RANBP2: variants seen among roughly 807,000 people sequenced by gnomAD.
The protein encoded by RANBP2 is RAN binding protein 2, also known as E3 SUMO-protein ligase RanBP2.
In RANBP2, 57 loss-of-function variants were observed where a neutral mutation model predicts 303.6. The ratio of observed to expected loss-of-function variants is 0.19; its 90% CI spans 0.15 to 0.23. The LOEUF is 0.23. Ranked by LOEUF, RANBP2 falls within the 10% of genes least tolerant of loss-of-function variation. The pLI is 1.00. For missense variants in RANBP2, 3,138 were observed against 3,780.8 expected, an observed-to-expected ratio of 0.83 and a Z score of 4.46; for synonymous variants, 1,167 against 1,301.5, an observed-to-expected ratio of 0.90 and a Z score of 2.23.
At chr2:109,199,602 T>TCAACCC in the RANBP2 span, among the ~76,000 whole-genome samples, 2 of 340 alleles carry the variant, frequency 5.9e-3, no homozygotes, top group African/African-American at 0.016. Context: ...TGGAATGGAA[T>TCAACCC]GGAATGGAAT....
intron 25 of RANBP2, among the ~76,000 whole-genome samples, chr2:108,778,347 T>G (rs1678023938): frequency 6.6e-6 from 1 of 152,228 alleles, no homozygotes; most frequent in African/African-American, 2.4e-5. Flanking sequence ...TTTAGTTAAT[T>G]TAGATTGTGC....
At chr2:109,120,928 T>C in the RANBP2 span, among the ~76,000 whole-genome samples, 2 of 152,150 alleles carry the variant, frequency 1.3e-5, no homozygotes, top group Admixed American at 1.3e-4. Context: ...TGGCAACTCA[T>C]GCAGTGCAGC....
At chr2:108,730,677 G>A (rs1171595525) in intron 2 of RANBP2, 97 bp from the exon 3 acceptor site, 9 of 1,447,474 alleles carry the variant, frequency 6.2e-6, no homozygotes, top group Non-Finnish European at 8.7e-6. Context: ...ATATAAACGA[G>A]TTTAGTGGTT....
chr2:109,615,269 C>T, the RANBP2 span: 1 of 1,575,504 alleles, frequency 6.3e-7, no homozygotes, highest in Non-Finnish European at 8.6e-7. Context: ...GCGGCGGAGG[C>T]TCCGTGACGC....
chr2:109,443,261 A>G, the RANBP2 span, among the ~76,000 whole-genome samples: 1 of 152,354 alleles, frequency 6.6e-6, no homozygotes, highest in East Asian at 1.9e-4. Context: ...AGGCTGCCCT[A>G]TTAACAGGTG....
the RANBP2 span, among the ~76,000 whole-genome samples, chr2:109,478,629 G>T: frequency 6.6e-6 from 1 of 152,126 alleles, no homozygotes; most frequent in South Asian, 2.1e-4. Context: ...TAAGAAGTTT[G>T]TTGGAATGCG....
At chr2:109,095,126 G>C in the RANBP2 span, among the ~76,000 whole-genome samples, 1 of 152,174 alleles carries the variant, frequency 6.6e-6, no homozygotes, top group African/African-American at 2.4e-5. Flanking sequence ...TGGAGCATTA[G>C]ACTCTAGATA....
rs540148769 is a variant in RANBP2, at chr2:108,755,315, C to T, written c.2466+56C>T. On this transcript the variant is annotated intron_variant, in intron 17 of 28. Transcript: ENST00000283195. Reference sequence around the variant, plus strand: ...TTTATTCCAAGATTCCTTCCCTGGCCACTCTCTCACTTTTTTTCTGAAGCT... The same window carrying T: ...TTTATTCCAAGATTCCTTCCCTGGCTACTCTCTCACTTTTTTTCTGAAGCT... 267 of 1,609,512 alleles carry T rather than the reference C, an allele frequency of 1.7e-4. 1 individual carries two copies. The South Asian group carries it at 2.3e-3, about 14-fold the overall frequency.
chr2:109,374,734 C>T, the RANBP2 span, among the ~76,000 whole-genome samples: 5 of 152,244 alleles, frequency 3.3e-5, no homozygotes, highest in Admixed American at 2.0e-4. Flanking sequence ...GTCTCCTCCA[C>T]AGCCGCTCCA....
At chr2:108,882,210 A>G in the RANBP2 span, 1 of 152,192 alleles carries the variant, frequency 6.6e-6, no homozygotes, top group Admixed American at 6.5e-5. Context: ...GACAGATATA[A>G]TAACATAATA....
At chr2:109,237,649 T>C in the RANBP2 span, among the ~76,000 whole-genome samples, 1 of 152,114 alleles carries the variant, frequency 6.6e-6, no homozygotes, top group South Asian at 2.1e-4. Flanking sequence ...TGTTAGTATA[T>C]TTTATGTGAG....
At chr2:109,558,466 G>T in the RANBP2 span, among the ~76,000 whole-genome samples, 1 of 152,222 alleles carries the variant, frequency 6.6e-6, no homozygotes, top group African/African-American at 2.4e-5. Context: ...GTGATTAACT[G>T]TGGGAAAGAG....
At chr2:109,339,251 C>T in the RANBP2 span, among the ~76,000 whole-genome samples, 1 of 150,928 alleles carries the variant, frequency 6.6e-6, no homozygotes, top group Admixed American at 6.6e-5. Context: ...CAGTTTAAAC[C>T]CATGTTGGTT....
the RANBP2 span, among the ~76,000 whole-genome samples, chr2:109,194,779 G>A: frequency 6.6e-6 from 1 of 152,238 alleles, no homozygotes; most frequent in South Asian, 2.1e-4. Flanking sequence ...TGCCCAGAAT[G>A]TGGTTGTCAG....
chr2:109,620,821 T>G, the RANBP2 span, among the ~76,000 whole-genome samples: 1 of 152,238 alleles, frequency 6.6e-6, no homozygotes, highest in African/African-American at 2.4e-5. Context: ...AAATGACTAC[T>G]TATTCTGTGA....
chr2:109,126,007 A>G, the RANBP2 span, among the ~76,000 whole-genome samples: 2 of 152,206 alleles, frequency 1.3e-5, no homozygotes, highest in Non-Finnish European at 2.9e-5. Flanking sequence ...TGTCATGTAA[A>G]AAGCAGCACT....
the RANBP2 span, among the ~76,000 whole-genome samples, chr2:109,381,114 G>A: frequency 6.6e-6 from 1 of 152,206 alleles, no homozygotes. Flanking sequence ...GCCTTGTCCT[G>A]GTCTGGATGC....
chr2:109,560,917 T>C, the RANBP2 span, among the ~76,000 whole-genome samples: 3 of 152,238 alleles, frequency 2.0e-5, no homozygotes, highest in Admixed American at 6.5e-5. Context: ...CAGCTCTTTA[T>C]TTTCATTGAT....
the RANBP2 span, among the ~76,000 whole-genome samples, chr2:109,422,794 C>G: frequency 6.6e-6 from 1 of 152,196 alleles, no homozygotes; most frequent in Non-Finnish European, 1.5e-5. Flanking sequence ...CTCACCTCCA[C>G]TTCTTCGTGG....
Sources: gnomAD v4.1 joint callset for allele counts (sites outside exome capture counted in the v4.1 genomes callset) on GRCh38, gnomAD v4.1.1 for gene constraint, MANE v1.5 for transcripts, NCBI Gene and HGNC (gene_info 2026-07-23, HGNC 2026-07-21) for gene names.